The following KCNMB2 variants were observed in gnomAD, a reference collection of about 807,000 sequenced individuals.
KCNMB2 encodes potassium calcium-activated channel subfamily M regulatory beta subunit 2.
A neutral mutation model predicts 24.5 loss-of-function variants in KCNMB2; 9 were observed. That is an observed-to-expected ratio of 0.37 (90% CI 0.22 to 0.64). The LOEUF (loss-of-function observed/expected upper bound fraction) is 0.64. KCNMB2 is among the 30% of genes least tolerant of loss of function. The pLI, the probability that KCNMB2 is intolerant of heterozygous loss-of-function variation, is 0.63. For synonymous variants in KCNMB2, 109 were observed against 104.4 expected, an observed-to-expected ratio of 1.04 and a Z score of -0.27; for missense variants, 226 against 284.3, an observed-to-expected ratio of 0.79 and a Z score of 1.47.
At chr3:178,809,377 A>C (rs1210820890) in intron 2 of KCNMB2, among the ~76,000 whole-genome samples, 2 of 152,240 alleles carry the variant, frequency 1.3e-5, no homozygotes, top group African/African-American at 4.8e-5. Context: ...AGGAATTAAC[A>C]TTTAAGAAGC....
At chr3:178,660,993 A>ATATTAT (rs10650468) in intron 1 of KCNMB2, among the ~76,000 whole-genome samples, 2 of 149,922 alleles carry the variant, frequency 1.3e-5, no homozygotes, top group Non-Finnish European at 3.0e-5. Context: ...ACATATATAT[A>ATATTAT]TATTATTATT....
chr3:178,721,974 T>G (rs192272770), intron 1 of KCNMB2, among the ~76,000 whole-genome samples: 2 of 152,344 alleles, frequency 1.3e-5, no homozygotes, highest in East Asian at 3.9e-4. Context: ...TTGTCAGATA[T>G]GTAATTTCAA....
At chr3:178,725,638 T>A (rs1178806602) in intron 1 of KCNMB2, among the ~76,000 whole-genome samples, 3 of 152,082 alleles carry the variant, frequency 2.0e-5, no homozygotes, top group Non-Finnish European at 4.4e-5. Context: ...TTCAACTTGT[T>A]AAAGTTTGTT....
At chr3:178,751,364 AC>A (rs1723839931) in intron 1 of KCNMB2, among the ~76,000 whole-genome samples, 1 of 152,038 alleles carries the variant, frequency 6.6e-6, no homozygotes, top group Non-Finnish European at 1.5e-5. Flanking sequence ...GTGGATCACA[AC>A]GTCAGGAGTT....
chr3:178,755,900 A>G (rs143066024), intron 1 of KCNMB2, among the ~76,000 whole-genome samples: 14 of 152,322 alleles, frequency 9.2e-5, no homozygotes, highest in African/African-American at 3.4e-4. Flanking sequence ...AAATTATGCC[A>G]GATATAGAAT....
intron 1 of KCNMB2, among the ~76,000 whole-genome samples, chr3:178,558,334 A>T (rs1317544508): frequency 6.6e-6 from 1 of 152,202 alleles, no homozygotes; most frequent in Non-Finnish European, 1.5e-5. Context: ...CTGTCACAGG[A>T]CTTATTTTAA....
intron 1 of KCNMB2, among the ~76,000 whole-genome samples, chr3:178,617,664 C>T (rs1817374): frequency 0.18 from 26,951 of 151,968 alleles, 2,637 homozygotes; most frequent in South Asian, 0.32. Flanking sequence ...CCAAGGCAGG[C>T]GGATCACAAG....
In KCNMB2 at chr3:178,679,022, GT is replaced by G. The variant is rs374461400; in HGVS notation, c.-67-128312del. On this transcript the variant is annotated intron_variant, in intron 1 of 4. Coordinates refer to ENST00000452583, the MANE Select transcript of KCNMB2 (RefSeq NM_181361.3). The stretch of plus-strand genomic sequence containing the variant: ...TGTTGTCATTGTTGTTCATTTATCA[GT>G]TTTTTTTTGTTTGTTTGTTTTTTGT... 1.5e-3 allele frequency among the ~76,000 whole-genome samples: 215 copies of G among 146,582 alleles called. 1 individual carries two copies. Among genetic ancestry groups the G allele is most frequent in the African/African-American group, 4.1e-3 (159 of 39,160 alleles).
chr3:178,817,171 C>T (rs1312032859), intron 2 of KCNMB2, among the ~76,000 whole-genome samples: 1 of 137,640 alleles, frequency 7.3e-6, no homozygotes, highest in East Asian at 2.1e-4. Flanking sequence ...AATACGTTGG[C>T]AATAATAACA....
intron 1 of KCNMB2, among the ~76,000 whole-genome samples, chr3:178,722,290 G>T (rs1289441025): frequency 4.6e-5 from 7 of 152,116 alleles, no homozygotes; most frequent in African/African-American, 9.7e-5. Context: ...TTGTTGAAAA[G>T]ACTTGATCAG....
chr3:178,545,901 T>C (rs1259169062), intron 1 of KCNMB2, among the ~76,000 whole-genome samples: 1 of 152,176 alleles, frequency 6.6e-6, no homozygotes, highest in Non-Finnish European at 1.5e-5. Flanking sequence ...GTCCCATTTC[T>C]CCCTCTCTGT....
chr3:178,771,020 G>A (rs1181683715), intron 1 of KCNMB2, among the ~76,000 whole-genome samples: 1 of 152,172 alleles, frequency 6.6e-6, no homozygotes, highest in Non-Finnish European at 1.5e-5. Flanking sequence ...AATCTAGTCA[G>A]TTATGTTTTA....
chr3:178,666,786 TAAC>T (rs1344038163), intron 1 of KCNMB2, among the ~76,000 whole-genome samples: 1 of 152,148 alleles, frequency 6.6e-6, no homozygotes, highest in Non-Finnish European at 1.5e-5. Flanking sequence ...ACCACCCTGT[TAAC>T]AACTTAATTG....
At chr3:178,826,144 C>T (rs933192695) in intron 3 of KCNMB2, among the ~76,000 whole-genome samples, 12 of 152,172 alleles carry the variant, frequency 7.9e-5, no homozygotes, top group South Asian at 2.1e-4. Context: ...ACTGTTCCTG[C>T]CACTTCACAC....
intron 1 of KCNMB2, among the ~76,000 whole-genome samples, chr3:178,679,600 T>C (rs1402142069): frequency 6.6e-6 from 1 of 152,056 alleles, no homozygotes; most frequent in Non-Finnish European, 1.5e-5. Flanking sequence ...GAAGAGCTGG[T>C]AGTGAAGATT....
At chr3:178,744,529 G>A (rs894434185) in intron 1 of KCNMB2, among the ~76,000 whole-genome samples, 12 of 152,210 alleles carry the variant, frequency 7.9e-5, no homozygotes, top group African/African-American at 2.9e-4. Flanking sequence ...TTAGGTGGAT[G>A]ATGGTGACCA....
intron 1 of KCNMB2, among the ~76,000 whole-genome samples, chr3:178,673,117 G>T (rs1291108888): frequency 4.0e-5 from 6 of 151,802 alleles, no homozygotes; most frequent in African/African-American, 1.5e-4. Context: ...TCCCTCCCTT[G>T]CATGCACTCT....
intron 1 of KCNMB2, among the ~76,000 whole-genome samples, chr3:178,646,720 G>A (rs2108554641): frequency 6.6e-6 from 1 of 151,946 alleles, no homozygotes; most frequent in East Asian, 1.9e-4. Flanking sequence ...TGGATAGTAA[G>A]TTAATAGTGT....
chr3:178,545,751 T>C (rs1715751786), intron 1 of KCNMB2, among the ~76,000 whole-genome samples: 1 of 146,370 alleles, frequency 6.8e-6, no homozygotes, highest in South Asian at 2.2e-4. Flanking sequence ...TCTGGAACTA[T>C]TGGTTGTCTC....
Sources: gnomAD v4.1 joint callset for allele counts (sites outside exome capture counted in the v4.1 genomes callset) on GRCh38, gnomAD v4.1.1 for gene constraint, MANE v1.5 for transcripts, NCBI Gene and HGNC (gene_info 2026-07-23, HGNC 2026-07-21) for gene names.